Variants in DPP10 observed in about 807,000 individuals in gnomAD.
DPP10 encodes dipeptidyl peptidase like 10.
DPP10 carries 33 observed loss-of-function variants against 120.9 expected under a neutral mutation model. The ratio of observed to expected loss-of-function variants is 0.27; its 90% CI spans 0.21 to 0.37. The LOEUF (loss-of-function observed/expected upper bound fraction) is 0.37, where lower values mean the gene tolerates loss of function less well. DPP10 is among the 10% of genes least tolerant of loss of function. DPP10 has a pLI of 1.00. For missense variants in DPP10, 816 were observed against 942.8 expected (o/e 0.87, Z 1.76); for synonymous variants, 337 against 326.1 (o/e 1.03, Z -0.36).
In DPP10 at chr2:114,911,245, G is replaced by A. The variant is rs151219872; in HGVS notation, c.61-397994G>A. 7.5e-3 allele frequency among the ~76,000 whole-genome samples: 1,141 copies of A among 151,650 alleles called. 14 individuals carry two copies. The highest frequency in any genetic ancestry group is 0.025 in the African/African-American group (1,045 of 41,334). On this transcript the variant is annotated intron_variant, in intron 1 of 25. Coordinates refer to ENST00000410059, the MANE Select transcript of DPP10 (RefSeq NM_020868.6). ...TTATAAGTGTCTTGAGTATTCTTAC[G>A]GTATCAAGTTGACAAGTACTAGCAT...
rs927673216 is a variant in DPP10 at position 115,787,448 on chromosome 2, T to C, written c.1532-3633T>C. Among the ~76,000 whole-genome samples the C allele has an allele frequency of 2.4e-4, 37 of 152,198 alleles. 1 individual carries two copies. The highest frequency in any genetic ancestry group is 4.1e-4 in the South Asian group (2 of 4,830). ...ACTTTGTGAATTTAAAATAAAATAT[T>C]TGAAATATAAACTTCACTGGAAAAT... is the stretch of plus-strand genomic sequence containing the variant. On this transcript the variant is annotated intron_variant, in intron 17 of 25. Transcript: ENST00000410059.
At chr2:115,275,565 C>T (rs916813264) in intron 1 of DPP10, among the ~76,000 whole-genome samples, 6 of 151,996 alleles carry the variant, frequency 3.9e-5, no homozygotes, top group African/African-American at 7.2e-5. Flanking sequence ...ATATAAGTCA[C>T]GTTAGCCGCA....
chr2:114,926,065 G>C (rs2104464063), intron 1 of DPP10, among the ~76,000 whole-genome samples: 1 of 152,320 alleles, frequency 6.6e-6, no homozygotes, highest in East Asian at 1.9e-4. Context: ...GTATAATAGA[G>C]ATATACACAG....
At chr2:114,467,063 A>G (rs1458153962) in intron 1 of DPP10, among the ~76,000 whole-genome samples, 7 of 150,114 alleles carry the variant, frequency 4.7e-5, no homozygotes, top group Admixed American at 2.7e-4. Context: ...GGAAACCTTT[A>G]GTGACTAGTT....
At chr2:115,510,910 A>G (rs1278197079) in intron 4 of DPP10, among the ~76,000 whole-genome samples, 3 of 152,118 alleles carry the variant, frequency 2.0e-5, no homozygotes, top group African/African-American at 7.2e-5. Flanking sequence ...TATAAATAGA[A>G]TTGTTTACTC....
At chr2:115,509,642 G>A (rs1188887561) in intron 4 of DPP10, among the ~76,000 whole-genome samples, 1 of 152,118 alleles carries the variant, frequency 6.6e-6, no homozygotes, top group Admixed American at 6.6e-5. Context: ...CTCCAGCCTG[G>A]ACGACAGAGC....
intron 16 of DPP10, 26 bp downstream of exon 16, chr2:115,781,021 T>C (rs780918907): frequency 2.6e-6 from 4 of 1,520,714 alleles, no homozygotes; most frequent in East Asian, 4.6e-5. Flanking sequence ...AATTCTGATA[T>C]AATATATTTT....
chr2:115,291,904 A>G (rs1383509424), intron 1 of DPP10, among the ~76,000 whole-genome samples: 1 of 152,134 alleles, frequency 6.6e-6, no homozygotes, highest in Non-Finnish European at 1.5e-5. Context: ...ATGTTTTCCC[A>G]AGCTTAAACC....
At chr2:114,467,591 A>G (rs1679512536) in intron 1 of DPP10, among the ~76,000 whole-genome samples, 2 of 152,144 alleles carry the variant, frequency 1.3e-5, no homozygotes, top group African/African-American at 2.4e-5. Flanking sequence ...GTGTACCCCA[A>G]TTGTACCTTG....
chr2:115,804,870 C>CG (rs1685728923), intron 19 of DPP10, among the ~76,000 whole-genome samples: 1 of 152,148 alleles, frequency 6.6e-6, no homozygotes, highest in Admixed American at 6.5e-5. Context: ...TTAGGCTACT[C>CG]GGGGGTCAGG....
In DPP10 at chr2:115,497,790, T is replaced by C. The variant is rs568263114; in HGVS notation, c.272-1720T>C. On this transcript the variant is annotated intron_variant, in intron 3 of 25. Transcript: ENST00000410059. ...TCAGCTGGCAAGACCAAATGAGCAT[T>C]ACAGATGATTGGTGTTGCTGTTGAG... Among the ~76,000 whole-genome samples, 50 of 152,196 alleles carry C rather than the reference T, an allele frequency of 3.3e-4. 1 individual carries two copies. The South Asian group carries it at 0.01, about 32-fold the overall frequency.
intron 3 of DPP10, among the ~76,000 whole-genome samples, chr2:115,387,541 G>T (rs1448903246): frequency 6.6e-6 from 1 of 151,970 alleles, no homozygotes; most frequent in Non-Finnish European, 1.5e-5. Flanking sequence ...CTACAATTCT[G>T]TTTATAATTG....
chr2:115,334,011 C>T (rs1182593325), intron 2 of DPP10, among the ~76,000 whole-genome samples: 2 of 151,776 alleles, frequency 1.3e-5, no homozygotes, highest in African/African-American at 4.8e-5. Context: ...ATCAAATCTA[C>T]CTCTGATTGG....
At chr2:115,718,523 T>C in intron 7 of DPP10, among the ~76,000 whole-genome samples, 2 of 152,192 alleles carry the variant, frequency 1.3e-5, no homozygotes, top group East Asian at 3.8e-4. Flanking sequence ...TATTTTTTTC[T>C]TTACTAAAAA....
intron 1 of DPP10, among the ~76,000 whole-genome samples, chr2:114,851,974 G>A (rs967873035): frequency 2.0e-5 from 3 of 151,790 alleles, no homozygotes; most frequent in Admixed American, 6.6e-5. Flanking sequence ...ACACTGCAAA[G>A]GCTGTTGAGG....
rs1466673252 is a variant in DPP10, at chr2:115,815,668, A to T, written c.1896-7A>T. On this transcript the variant is annotated splice_polypyrimidine_tract_variant and splice_region_variant and intron_variant, in intron 20 of 25. Coordinates refer to ENST00000410059, the MANE Select transcript of DPP10 (RefSeq NM_020868.6). ...GATATAACTATTGTTTTTCGTTTTC[A>T]TTGCAGATTTTTGCTGAAACTGCCT... is the stretch of plus-strand genomic sequence containing the variant. 1 of 1,598,916 alleles carries T rather than the reference A, an allele frequency of 6.3e-7. No homozygotes were observed.
At position 115,350,423 on chromosome 2, in the gene DPP10, C is replaced by T. The variant is rs1283567803; in HGVS notation, c.271+6511C>T. ...TTCCAAATTTTCAACAGGCATTCTG[C>T]TGTTTCCTACTATGGCAATTTTATG... On this transcript the variant is annotated intron_variant, in intron 3 of 25. Transcript: ENST00000410059. Among the ~76,000 whole-genome samples the T allele has an allele frequency of 2.0e-5, 3 of 152,022 alleles. No individual in the cohort carries two copies. The East Asian group carries it at 5.8e-4, about 29-fold the overall frequency.
chr2:114,486,598 G>A (rs1029090438), intron 1 of DPP10, among the ~76,000 whole-genome samples: 1 of 152,040 alleles, frequency 6.6e-6, no homozygotes, highest in Non-Finnish European at 1.5e-5. Context: ...TCATTTGACT[G>A]CTTCTTTCTT....
chr2:115,224,527 G>A (rs1040775235), intron 1 of DPP10, among the ~76,000 whole-genome samples: 3 of 152,116 alleles, frequency 2.0e-5, no homozygotes, highest in Non-Finnish European at 4.4e-5. Flanking sequence ...TGGAGGGAAG[G>A]TGGGGAGGTT....
Sources: gnomAD v4.1 joint callset for allele counts (sites outside exome capture counted in the v4.1 genomes callset) on GRCh38, gnomAD v4.1.1 for gene constraint, MANE v1.5 for transcripts, NCBI Gene and HGNC (gene_info 2026-07-23, HGNC 2026-07-21) for gene names.